The following LHFPL3 variants were observed in gnomAD, a reference collection of about 807,000 sequenced individuals.
LHFPL3 encodes LHFPL tetraspan subfamily member 3.
Under a neutral mutation model 19.3 loss-of-function variants are expected in LHFPL3, and 5 were observed. That is an observed-to-expected ratio of 0.26 (90% CI 0.14 to 0.54). The LOEUF (loss-of-function observed/expected upper bound fraction) is 0.54. LHFPL3 is among the 20% of genes least tolerant of loss of function. LHFPL3 has a pLI of 0.94. For missense variants in LHFPL3, 249 were observed against 307.4 expected (o/e 0.81, Z 1.42); for synonymous variants, 133 against 126.2 (o/e 1.05, Z -0.36).
intron 1 of LHFPL3, among the ~76,000 whole-genome samples, chr7:104,649,700 A>AATTTAGATTCC (rs1279720360): frequency 6.6e-6 from 1 of 152,150 alleles, no homozygotes; most frequent in Admixed American, 6.5e-5. Flanking sequence ...AGAGGGAAGG[A>AATTTAGATTCC]TTTGTGTGGG....
intron 1 of LHFPL3, among the ~76,000 whole-genome samples, chr7:104,731,692 T>A (rs1188388422): frequency 6.6e-6 from 1 of 151,776 alleles, no homozygotes; most frequent in East Asian, 1.9e-4. Flanking sequence ...GACTTCCTTT[T>A]TTCCTAATTG....
intron 2 of LHFPL3, among the ~76,000 whole-genome samples, chr7:104,855,243 G>A (rs1193067286): frequency 2.6e-5 from 4 of 152,216 alleles, no homozygotes; most frequent in Non-Finnish European, 5.9e-5. Context: ...TGGAGGTTAA[G>A]TGTGGAGCCC....
In LHFPL3 at chr7:104,400,869, T is replaced by C. The variant is rs58585965; in HGVS notation, c.445+71645T>C. ...TATCATTTGGAATCATTTTTATAAA[T>C]ACTCCCCATTGGGGTAGACAGCCAC... On this transcript the variant is annotated intron_variant, in intron 1 of 2. Transcript: ENST00000424859. Among the ~76,000 whole-genome samples, 926 of 152,338 alleles carry C rather than the reference T, an allele frequency of 6.1e-3. 76 individuals are homozygous for C. The East Asian group carries it at 0.16, about 26-fold the overall frequency.
chr7:104,815,662 T>C (rs1562801812), intron 2 of LHFPL3, among the ~76,000 whole-genome samples: 1 of 152,214 alleles, frequency 6.6e-6, no homozygotes, highest in Non-Finnish European at 1.5e-5. Flanking sequence ...TCTAACTAAA[T>C]GCCACTTCTC....
chr7:104,703,092 C>A (rs1055253124), intron 1 of LHFPL3, among the ~76,000 whole-genome samples: 2 of 152,140 alleles, frequency 1.3e-5, no homozygotes, highest in African/African-American at 4.8e-5. Flanking sequence ...ATTTCCAAAT[C>A]TTTTGTGGTG....
At chr7:104,354,472 C>T (rs1396770460) in intron 1 of LHFPL3, among the ~76,000 whole-genome samples, 1 of 152,192 alleles carries the variant, frequency 6.6e-6, no homozygotes, top group East Asian at 1.9e-4. Flanking sequence ...CCTGGCTGCT[C>T]CAGCCCCCAC....
chr7:104,768,763 G>C (rs1050437219), intron 2 of LHFPL3: 2 of 152,214 alleles, frequency 1.3e-5, no homozygotes, highest in African/African-American at 4.8e-5. Flanking sequence ...CCATCGGAAT[G>C]AAACAGCCCT....
intron 2 of LHFPL3, among the ~76,000 whole-genome samples, chr7:104,766,243 C>CA (rs1794454518): frequency 6.6e-6 from 1 of 152,116 alleles, no homozygotes; most frequent in African/African-American, 2.4e-5. Flanking sequence ...GTGGAATGAT[C>CA]AAAAACTAAA....
At chr7:104,628,942 C>T (rs1292365168) in intron 1 of LHFPL3, among the ~76,000 whole-genome samples, 4 of 152,176 alleles carry the variant, frequency 2.6e-5, no homozygotes, top group African/African-American at 7.2e-5. Context: ...TGATTTGCCT[C>T]AGCACTGGTC....
At chr7:104,575,559 T>TAAAAA (rs58118006) in intron 1 of LHFPL3, among the ~76,000 whole-genome samples, 4 of 36,170 alleles carry the variant, frequency 1.1e-4, no homozygotes, top group East Asian at 9.9e-4. Flanking sequence ...CAAAGAGATC[T>TAAAAA]AAAAAAAAAA....
intron 1 of LHFPL3, among the ~76,000 whole-genome samples, chr7:104,618,050 C>T (rs1227286741): frequency 6.6e-6 from 1 of 152,168 alleles, no homozygotes; most frequent in Non-Finnish European, 1.5e-5. Flanking sequence ...CTTCAGTCTT[C>T]CTGGTGTCTG....
intron 1 of LHFPL3, among the ~76,000 whole-genome samples, chr7:104,694,705 A>T (rs1171201541): frequency 2.0e-5 from 3 of 152,258 alleles, no homozygotes; most frequent in African/African-American, 7.2e-5. Flanking sequence ...TAAGGCCAGT[A>T]TCATACAGGC....
chr7:104,743,464 C>T (rs1793974724), intron 2 of LHFPL3, among the ~76,000 whole-genome samples: 1 of 152,170 alleles, frequency 6.6e-6, no homozygotes, highest in Non-Finnish European at 1.5e-5. Context: ...TGGGCTTTAC[C>T]TTCTTTAAAG....
rs535601618 is a variant in LHFPL3, at chr7:104,875,862, T to C, written c.683-30325T>C. 2.0e-5 allele frequency among the ~76,000 whole-genome samples: 3 copies of C among 152,306 alleles called. 1 individual carries two copies. In the South Asian group the frequency reaches 6.2e-4, roughly 32 times the overall value. On this transcript the variant is annotated intron_variant, in intron 2 of 2. Coordinates refer to ENST00000424859, the MANE Select transcript of LHFPL3 (RefSeq NM_199000.3). The stretch of plus-strand genomic sequence containing the variant: ...GCACACTGTACGTTTGCCAAATTTT[T>C]CCCTCCTCACTCTCATTAAAATCAT...
intron 1 of LHFPL3, among the ~76,000 whole-genome samples, chr7:104,432,021 C>T (rs1792013360): frequency 6.6e-6 from 1 of 152,140 alleles, no homozygotes. Flanking sequence ...TAATATCATA[C>T]CACAGGAACA....
chr7:104,487,553 G>A lies in LHFPL3; in HGVS notation c.445+158329G>A, dbSNP rs561367955. Among the ~76,000 whole-genome samples the A allele has an allele frequency of 3.9e-4, 59 of 152,324 alleles. 1 individual carries two copies. The highest frequency in any genetic ancestry group is 1.3e-3 in the African/African-American group (55 of 41,574). Reference sequence around the variant, plus strand: ...CTTTGGGATGTGGGAGGAAGCTGGAGCACCCAGAGAAAACCCATGCAGACA... The same window carrying A: ...CTTTGGGATGTGGGAGGAAGCTGGAACACCCAGAGAAAACCCATGCAGACA... On this transcript the variant is annotated intron_variant, in intron 1 of 2. Coordinates refer to ENST00000424859, the MANE Select transcript of LHFPL3 (RefSeq NM_199000.3).
chr7:104,668,082 A>G (rs1245423838), intron 1 of LHFPL3: 6 of 1,613,712 alleles, frequency 3.7e-6, no homozygotes, highest in Admixed American at 3.3e-5. Context: ...AGAAGAGTCA[A>G]TTAAGGAATT....
chr7:104,409,601 G>A (rs907290288), intron 1 of LHFPL3, among the ~76,000 whole-genome samples: 1 of 151,946 alleles, frequency 6.6e-6, no homozygotes, highest in African/African-American at 2.4e-5. Flanking sequence ...AGGTGACAGA[G>A]ACAGGCCCTG....
intron 1 of LHFPL3, among the ~76,000 whole-genome samples, chr7:104,577,118 T>C (rs559370002): frequency 6.6e-6 from 1 of 152,330 alleles, no homozygotes; most frequent in Non-Finnish European, 1.5e-5. Flanking sequence ...ATTGATTCAG[T>C]CAATACACAT....
Sources: allele counts gnomAD v4.1 joint callset (sites outside exome capture counted in the v4.1 genomes callset), GRCh38; gene constraint gnomAD v4.1.1; transcripts MANE v1.5; gene names NCBI Gene and HGNC (gene_info 2026-07-23, HGNC 2026-07-21).